Variants in PLEC observed in about 807,000 individuals in gnomAD.
PLEC encodes the protein plectin.
A neutral mutation model predicts 392.8 loss-of-function variants in PLEC; 216 were observed. The ratio of observed to expected loss-of-function variants is 0.55; its 90% CI spans 0.49 to 0.62. The LOEUF is 0.62. Ranked by LOEUF, PLEC falls within the 20% of genes least tolerant of loss-of-function variation. The pLI is 0.00. For synonymous variants in PLEC, 3,621 were observed against 2,980.6 expected (o/e 1.21, Z -7.00); for missense variants, 6,863 against 6,563.4 (o/e 1.05, Z -1.58).
At chr8:143,931,496 G>A (rs1554715155) in intron 19 of PLEC, 38 bp downstream of exon 19, 1 of 1,559,158 alleles carries the variant, frequency 6.4e-7, no homozygotes, top group Admixed American at 1.9e-5. Flanking sequence ...CTCCAGGCCA[G>A]CCCCTCCTGA....
chr8:143,919,023 G>T lies in PLEC; in HGVS notation c.10798C>A (p.Gln3600Lys). Residue 3600 changes from glutamine to lysine, a missense_variant, in exon 32 of 32, where the codon CAG becomes AAG. Coordinates refer to ENST00000345136, the MANE Select transcript of PLEC (RefSeq NM_201384.3). ...VMQSDLIPEE[Q>K]RAQLMADFQA... ...AAGTCAGCCATCAGCTGGGCCCGCT[G>T]CTCCTCGGGGATCAGGTCCGACTGC... The T allele has an allele frequency of 6.2e-7, 1 of 1,611,202 alleles. No homozygotes were observed.
In PLEC at chr8:143,929,784, G is replaced by A. The variant is rs369676162; in HGVS notation, c.2785C>T (p.Leu929=). 2.5e-4 allele frequency: 407 copies of A among 1,599,554 alleles called. 1 individual carries two copies. The highest frequency in any genetic ancestry group is 3.1e-4 in the Non-Finnish European group (371 of 1,178,614). The part of the protein sequence containing the change: ...PEEQRQALHS[L]ELHYQAFLRD... ...AGGAAGGCCTGGTAGTGCAGCTCCA[G>A]GCTGTGCAGGGCTTGGCGCTGCTCC... The change falls in exon 23 of 32, where the codon CTG becomes TTG. Residue 929 remains leucine, a synonymous_variant. Transcript: ENST00000345136.
At chr8:143,933,769 G>A (rs1237535792) in intron 12 of PLEC, among the ~76,000 whole-genome samples, 3 of 152,236 alleles carry the variant, frequency 2.0e-5, no homozygotes, top group Admixed American at 6.5e-5. Flanking sequence ...CCCAGCGTGG[G>A]TTCTGCCCCG....
In PLEC at chr8:143,919,347, C is replaced by T. The variant is rs544332992; in HGVS notation, c.10474G>A (p.Gly3492Ser). The T allele has an allele frequency of 4.3e-5, 69 of 1,613,902 alleles. No individual in the cohort carries two copies. Among genetic ancestry groups the T allele is most frequent in the South Asian group, 1.5e-4 (14 of 91,090 alleles). The change falls in exon 32 of 32, where the codon GGC becomes AGC. Residue 3492 changes from glycine to serine, a missense_variant. Gly to Ser is a moderately conservative substitution (Grantham distance 56). Coordinates refer to ENST00000345136, the MANE Select transcript of PLEC (RefSeq NM_201384.3). The stretch of plus-strand genomic sequence containing the variant: ...CGGTTCATCTCCTCACTGAAGTAGC[C>T]GCGCTGGTAGGCCACGTCCACAGGC... Reference protein sequence around the residue: ...RVPVDVAYQRGYFSEEMNRVL... With the variant: ...RVPVDVAYQRSYFSEEMNRVL...
intron 3 of PLEC, 78 bp downstream of exon 3, chr8:143,938,073 G>A (rs1219968838): frequency 2.0e-6 from 2 of 1,013,050 alleles, no homozygotes; most frequent in Non-Finnish European, 3.0e-6. Context: ...GGCGGCCGGA[G>A]AGGCCCCAAG....
Position 143,932,109 on chromosome 8 carries a change from C to A in PLEC, c.2082+21G>T, listed in dbSNP as rs781801920. 4 of 1,604,662 alleles carry A rather than the reference C, an allele frequency of 2.5e-6. No homozygotes were observed. The East Asian group carries it at 8.9e-5, about 36-fold the overall frequency. On this transcript the variant is annotated intron_variant, in intron 17 of 31. Transcript: ENST00000345136. The stretch of plus-strand genomic sequence containing the variant: ...CGGCACGGCCCCCCCCGCAGCCCCG[C>A]CCCTACCCAGGGAGCCCCACCTCCA...
Position 143,920,156 on chromosome 8 carries a change from T to C in PLEC, c.9665A>G (p.Glu3222Gly). ...LSEKAARARQ[E>G]ELYSELQARE... is the part of the protein sequence containing the mutation. Reference sequence around the variant, plus strand: ...GGCCTGCAGCTCTGAGTAGAGCTCCTCCTGCCGGGCCCGAGCAGCCTTTTC... The same window carrying C: ...GGCCTGCAGCTCTGAGTAGAGCTCCCCCTGCCGGGCCCGAGCAGCCTTTTC... The change falls in exon 32 of 32, where the codon GAG becomes GGG. Residue 3222 changes from glutamate to glycine, a missense_variant. Transcript: ENST00000345136. 6.2e-7 allele frequency: 1 copy of C among 1,612,644 alleles called. No homozygotes were observed. Among genetic ancestry groups the C allele is most frequent in the Middle Eastern group, 1.6e-4 (1 of 6,062 alleles).
chr8:143,925,119 C>A lies in PLEC; in HGVS notation c.4810G>T (p.Ala1604Ser), dbSNP rs1554700795. The change falls in exon 31 of 32, where the codon GCA becomes TCA. Residue 1604 changes from alanine to serine, a missense_variant. Transcript: ENST00000345136. ...RSLQEEHVAVAQLREEAERRA... is the reference protein window; with the variant it reads ...RSLQEEHVAVSQLREEAERRA... ...CGCTCAGCCTCCTCCCGCAGCTGTG[C>A]CACAGCCACGTGTTCCTCCTGCAGG... The A allele has an allele frequency of 1.9e-6, 3 of 1,557,322 alleles. No homozygotes were observed. In the South Asian group the frequency reaches 3.5e-5, roughly 18 times the overall value.
intron 1 of PLEC, chr8:143,950,110 G>T: frequency 3.5e-6 from 5 of 1,447,378 alleles, no homozygotes; most frequent in East Asian, 2.5e-5. Flanking sequence ...CTCCAGCCCA[G>T]GCCCAGGCCC....
intron 3 of PLEC, among the ~76,000 whole-genome samples, chr8:143,937,503 C>T (rs995794494): frequency 4.6e-5 from 7 of 152,154 alleles, no homozygotes; most frequent in Non-Finnish European, 1.0e-4. Context: ...AGCCAGGAAG[C>T]CTCGTGTGGA....
chr8:143,938,801 G>A (rs926304911), intron 1 of PLEC, 109 bp from the exon 2 acceptor site: 10 of 924,274 alleles, frequency 1.1e-5, no homozygotes, highest in Admixed American at 1.8e-5. Context: ...TGCCTGGGGA[G>A]CCCCAAAGCC....
rs782079821 is a variant in PLEC, at chr8:143,932,233, G to A, written c.1979C>T (p.Ala660Val). The A allele has an allele frequency of 2.1e-5, 34 of 1,612,124 alleles. No homozygotes were observed. Among genetic ancestry groups the A allele is most frequent in the Non-Finnish European group, 2.5e-5 (30 of 1,179,866 alleles). The change falls in exon 17 of 32, where the codon GCG becomes GTG. Residue 660 changes from alanine to valine, a missense_variant and splice_region_variant. By Grantham distance (64) the Ala-to-Val change is moderately conservative. Coordinates refer to ENST00000345136, the MANE Select transcript of PLEC (RefSeq NM_201384.3). ...NMTAKKESYS[A>V]LMRELELKEK... ...CTTCAGCTCCAGCTCCCGCATCAGC[G>A]CCTGGCACCAGAGCAAAGGGTCTCA...
chr8:143,937,796 G>A (rs1554724721), intron 3 of PLEC: 2 of 525,696 alleles, frequency 3.8e-6, no homozygotes, highest in Admixed American at 4.5e-5. Context: ...TGCCCGGCCA[G>A]AGCAGGGCAA....
intron 1 of PLEC, 123 bp from the exon 2 acceptor site, chr8:143,938,815 C>T (rs1829780604): frequency 1.2e-6 from 1 of 835,612 alleles, no homozygotes; most frequent in Non-Finnish European, 2.0e-6. Context: ...CAAAGCCTCC[C>T]TCAGATCACA....
At position 143,929,437 on chromosome 8, in the gene PLEC, C is replaced by A; in HGVS notation, c.3058G>T (p.Ala1020Ser). ...PLDKEPAREC[A>S]QRIAEQQKAQ... is the part of the protein sequence containing the mutation. ...GCCTGCTGCTCGGCGATGCGCTGGG[C>A]ACACTCCCGTGCCGGCTCTTTGTCC... The change falls in exon 24 of 32, where the codon GCC becomes TCC. Residue 1020 changes from alanine to serine, a missense_variant. Ala to Ser is a moderately conservative substitution (Grantham distance 99). Coordinates refer to ENST00000345136, the MANE Select transcript of PLEC (RefSeq NM_201384.3). 1 of 1,577,762 alleles carries A rather than the reference C, an allele frequency of 6.3e-7. No individual in the cohort carries two copies.
In PLEC at chr8:143,960,757, C is replaced by T. The variant is rs184160402; in HGVS notation, c.70+12646G>A. 3.7e-3 allele frequency among the ~76,000 whole-genome samples: 567 copies of T among 152,352 alleles called. 8 individuals carry two copies. Among genetic ancestry groups the T allele is most frequent in the South Asian group, 5.0e-3 (24 of 4,830 alleles). The stretch of plus-strand genomic sequence containing the variant: ...GAGAAGTCTTGCTCCCCTCCCTTCT[C>T]CCTGTCTCCCCCCACCCACACACAC... On this transcript the variant is annotated intron_variant, in intron 1 of 31. Transcript: ENST00000356346.
chr8:143,945,629 T>G (rs1392221645), intron 1 of PLEC, among the ~76,000 whole-genome samples: 1 of 152,164 alleles, frequency 6.6e-6, no homozygotes, highest in Non-Finnish European at 1.5e-5. Flanking sequence ...CATGAAGGCC[T>G]CATACAGACC....
chr8:143,939,317 C>T (rs781965707), intron 1 of PLEC, 33 bp downstream of exon 1: 2 of 1,596,354 alleles, frequency 1.3e-6, no homozygotes, highest in Non-Finnish European at 1.7e-6. Context: ...GCCCGCCCTG[C>T]CTGGCGGGGG....
At position 143,920,332 on chromosome 8, in the gene PLEC, C is replaced by T; in HGVS notation, c.9489G>A (p.Leu3163=). ...PLDVACARGC[L]DEETSRALSA... is the part of the protein sequence containing the mutation. ...ACAGGGCCCTGCTGGTCTCCTCATC[C>T]AGGCAGCCTCGGGCGCAGGCGACAT... Residue 3163 remains leucine, a synonymous_variant, in exon 32 of 32, where the codon CTG becomes CTA. Coordinates refer to ENST00000345136, the MANE Select transcript of PLEC (RefSeq NM_201384.3). 6.3e-7 allele frequency: 1 copy of T among 1,593,360 alleles called. No homozygotes were observed. The highest frequency in any genetic ancestry group is 8.5e-7 in the Non-Finnish European group (1 of 1,175,258).
Sources: allele counts gnomAD v4.1 joint callset (sites outside exome capture counted in the v4.1 genomes callset), GRCh38; gene constraint gnomAD v4.1.1; transcripts MANE v1.5; gene names NCBI Gene and HGNC (gene_info 2026-07-23, HGNC 2026-07-21).